The following GRID2 variants were observed in gnomAD, a reference collection of about 807,000 sequenced individuals.
The protein encoded by GRID2 is glutamate ionotropic receptor delta type subunit 2, also known as glutamate receptor ionotropic, delta-2.
In GRID2, 33 loss-of-function variants were observed where a neutral mutation model predicts 114.8. The ratio of observed to expected loss-of-function variants is 0.29; its 90% CI spans 0.22 to 0.38. GRID2 has a LOEUF of 0.38. Among genes scored for constraint, GRID2 ranks in the 10% least tolerant of loss-of-function variants. The pLI is 1.00. For missense variants in GRID2, 1,184 were observed against 1,257.7 expected (o/e 0.94, Z 0.89); for synonymous variants, 505 against 449.9 (o/e 1.12, Z -1.55).
chr4:93,316,266 AG>A (rs1756579209), intron 8 of GRID2, among the ~76,000 whole-genome samples: 1 of 140,298 alleles, frequency 7.1e-6, no homozygotes, highest in Non-Finnish European at 1.6e-5. Context: ...AGAAAGAAAG[AG>A]AAAGAAAGAA....
chr4:92,906,793 G>A (rs1330982275), intron 2 of GRID2, among the ~76,000 whole-genome samples: 1 of 151,874 alleles, frequency 6.6e-6, no homozygotes, highest in Non-Finnish European at 1.5e-5. Flanking sequence ...AGGACTTTAA[G>A]CCTTTTCCCC....
At chr4:92,428,149 T>C (rs1274186764) in intron 1 of GRID2, among the ~76,000 whole-genome samples, 2 of 151,822 alleles carry the variant, frequency 1.3e-5, no homozygotes, top group Admixed American at 1.3e-4. Context: ...GTAGTCCTAG[T>C]TACTCAGGAG....
At chr4:92,489,907 A>G (rs1723074450) in intron 1 of GRID2, among the ~76,000 whole-genome samples, 1 of 152,052 alleles carries the variant, frequency 6.6e-6, no homozygotes, top group Non-Finnish European at 1.5e-5. Context: ...TCTTCTGTGA[A>G]ATTCATGAAA....
chr4:92,727,336 T>C (rs1314032650), intron 2 of GRID2, among the ~76,000 whole-genome samples: 1 of 152,122 alleles, frequency 6.6e-6, no homozygotes, highest in African/African-American at 2.4e-5. Context: ...AAAAACATTT[T>C]CTGTTAAGAA....
intron 14 of GRID2, among the ~76,000 whole-genome samples, chr4:93,681,638 T>C (rs547031148): frequency 4.6e-5 from 7 of 152,236 alleles, no homozygotes; most frequent in South Asian, 4.2e-4. Flanking sequence ...CATCTACAAC[T>C]ATCTGATCTT....
chr4:93,112,489 C>T (rs1304405201), intron 4 of GRID2, among the ~76,000 whole-genome samples: 2 of 152,150 alleles, frequency 1.3e-5, no homozygotes, highest in African/African-American at 4.8e-5. Context: ...TGCGCTCTGA[C>T]TCTCTCCTGC....
chr4:92,324,151 C>G (rs1361133502), intron 1 of GRID2, among the ~76,000 whole-genome samples: 1 of 151,944 alleles, frequency 6.6e-6, no homozygotes, highest in African/African-American at 2.4e-5. Flanking sequence ...TTCCTACAAC[C>G]TGCTAGGTGC....
At chr4:92,607,994 G>A (rs1051397873) in intron 2 of GRID2, among the ~76,000 whole-genome samples, 1 of 151,702 alleles carries the variant, frequency 6.6e-6, no homozygotes, top group Non-Finnish European at 1.5e-5. Context: ...GAGGGGGGAA[G>A]GAAAAAATTA....
At chr4:92,470,981 C>G (rs954219767) in intron 1 of GRID2, among the ~76,000 whole-genome samples, 1 of 147,132 alleles carries the variant, frequency 6.8e-6, no homozygotes, top group South Asian at 2.1e-4. Flanking sequence ...ATTGGTACAA[C>G]TTTAAGTAGG....
intron 14 of GRID2, among the ~76,000 whole-genome samples, chr4:93,660,469 T>C (rs1723392289): frequency 6.6e-6 from 1 of 152,168 alleles, no homozygotes; most frequent in African/African-American, 2.4e-5. Context: ...TTAGAAATGA[T>C]TATGGAGTAA....
intron 4 of GRID2, among the ~76,000 whole-genome samples, chr4:93,188,995 G>A (rs775353578): frequency 1.3e-5 from 2 of 152,026 alleles, no homozygotes; most frequent in Non-Finnish European, 2.9e-5. Context: ...AAAGATTGAG[G>A]CCTTCCCTAC....
intron 8 of GRID2, among the ~76,000 whole-genome samples, chr4:93,291,397 A>G (rs752090397): frequency 3.3e-5 from 5 of 152,208 alleles, no homozygotes; most frequent in Non-Finnish European, 7.3e-5. Flanking sequence ...ACTATAATTC[A>G]TAATATGAGG....
chr4:92,988,389 C>G (rs1243675843), intron 2 of GRID2, among the ~76,000 whole-genome samples: 1 of 152,116 alleles, frequency 6.6e-6, no homozygotes, highest in Admixed American at 6.5e-5. Flanking sequence ...TACATAGCAA[C>G]TGATTTCCTT....
At chr4:92,442,741 C>A (rs1309739001) in intron 1 of GRID2, among the ~76,000 whole-genome samples, 4 of 151,942 alleles carry the variant, frequency 2.6e-5, no homozygotes, top group African/African-American at 7.3e-5. Flanking sequence ...TGCTGGCAAA[C>A]AAGTCATGAA....
intron 2 of GRID2, among the ~76,000 whole-genome samples, chr4:92,840,627 T>C (rs1560629786): frequency 6.6e-6 from 1 of 152,034 alleles, no homozygotes; most frequent in Admixed American, 6.6e-5. Flanking sequence ...TATAATCTTG[T>C]TTCTTGGGGC....
At chr4:93,321,357 A>G (rs927642636) in intron 8 of GRID2, among the ~76,000 whole-genome samples, 2 of 152,054 alleles carry the variant, frequency 1.3e-5, no homozygotes, top group African/African-American at 4.8e-5. Flanking sequence ...TGTTCAAAAT[A>G]TTTTACCAAG....
chr4:92,806,165 C>CCACACA (rs1560603012), intron 2 of GRID2, among the ~76,000 whole-genome samples: 1 of 106,116 alleles, frequency 9.4e-6, no homozygotes, highest in African/African-American at 4.3e-5. Flanking sequence ...AATAGGCTAT[C>CCACACA]GACACACACA....
chr4:93,251,953 T>G (rs3970978), intron 8 of GRID2, among the ~76,000 whole-genome samples: 103,607 of 151,548 alleles, frequency 0.68, 35,792 homozygotes, highest in Middle Eastern at 0.85. Flanking sequence ...CAAGTGTGCA[T>G]GTCTTTAAAA....
intron 1 of GRID2, among the ~76,000 whole-genome samples, chr4:92,568,117 G>A (rs1013063554): frequency 1.3e-5 from 2 of 151,964 alleles, no homozygotes; most frequent in African/African-American, 4.8e-5. Context: ...AGGAGAAGCT[G>A]TGTTTTTCTG....
Sources: gnomAD v4.1 joint callset for allele counts (sites outside exome capture counted in the v4.1 genomes callset) on GRCh38, gnomAD v4.1.1 for gene constraint, MANE v1.5 for transcripts, NCBI Gene and HGNC (gene_info 2026-07-23, HGNC 2026-07-21) for gene names.